The following CD59 variants were observed in gnomAD, a reference collection of about 807,000 sequenced individuals.
CD59 encodes CD59 glycoprotein.
Under a neutral mutation model 7.0 loss-of-function variants are expected in CD59, and 3 were observed. That is an observed-to-expected ratio of 0.43 (90% confidence interval 0.19 to 1.10). The LOEUF (loss-of-function observed/expected upper bound fraction) is 1.10, where lower values mean the gene tolerates loss of function less well. Ranked by LOEUF, CD59 falls within the 50% of genes least tolerant of loss-of-function variation. The probability of loss-of-function intolerance (pLI) is 0.29; values close to 1 mark genes in which losing one functional copy is unlikely to be tolerated. For missense variants in CD59, 143 were observed against 151.0 expected (o/e 0.95, Z 0.28); for synonymous variants, 60 against 62.0 (o/e 0.97, Z 0.15).
chr11:33,711,332 T>C (rs1403137773), intron 3 of CD59: 1 of 688,732 alleles, frequency 1.5e-6, no homozygotes, highest in Non-Finnish European at 2.6e-6. Flanking sequence ...TGTAAGAGCA[T>C]AGTATCCAGG....
chr11:33,704,325 C>T lies in CD59; in HGVS notation c.*5801G>A, dbSNP rs1853222127. The T allele has an allele frequency of 1.3e-5, 2 of 152,200 alleles. No homozygotes were observed. Among genetic ancestry groups the T allele is most frequent in the South Asian group, 4.1e-4 (2 of 4,830 alleles). The allele number at this position is 152,200 out of a possible 1,614,324, so 9.4% of individuals were successfully genotyped here. On this transcript the variant is annotated 3_prime_UTR_variant, in exon 4 of 4. Transcript: ENST00000642928. The stretch of plus-strand genomic sequence containing the variant: ...TTGATTTGATGGACATATGTATAAG[C>T]AGTGCCAGGGACAACTAGTAGGTGG...
At chr11:33,733,067 A>G (rs773815746) in intron 1 of CD59, among the ~76,000 whole-genome samples, 1 of 152,150 alleles carries the variant, frequency 6.6e-6, no homozygotes, top group Non-Finnish European at 1.5e-5. Flanking sequence ...TTTAGAAGCT[A>G]AGAATGGTCC....
intron 2 of CD59, among the ~76,000 whole-genome samples, chr11:33,721,095 A>T (rs968144325): frequency 6.6e-6 from 1 of 152,248 alleles, no homozygotes; most frequent in Admixed American, 6.5e-5. Context: ...GACAGAAAAA[A>T]AGAAGGAACC....
Position 33,707,728 on chromosome 11 carries a change from T to C in CD59, c.*2398A>G, listed in dbSNP as rs1432726410. The C allele has an allele frequency of 6.6e-6, 1 of 152,252 alleles. No individual in the cohort carries two copies. The highest frequency in any genetic ancestry group is 1.5e-5 in the Non-Finnish European group (1 of 68,050). 9.4% of individuals were successfully genotyped at this position (152,252 alleles called of 1,614,324 possible). On this transcript the variant is annotated 3_prime_UTR_variant, in exon 4 of 4. Transcript: ENST00000642928. ...ATCCCTCTTCGTTGATCAGGGTCAG[T>C]TGGAGGATGTAGCTGTCGGCCTGGT...
rs1853275104 is a variant in CD59, at chr11:33,705,509, A to G, written c.*4617T>C. On this transcript the variant is annotated 3_prime_UTR_variant, in exon 4 of 4. Transcript: ENST00000642928. ...CACTCTTCCTGCTCTTGGACATCAG[A>G]CTCCAGGTTCTTCAGCCTTTGGAAT... 1 of 152,014 alleles carries G rather than the reference A, an allele frequency of 6.6e-6. No individual in the cohort carries two copies. The highest frequency in any genetic ancestry group is 2.4e-5 in the African/African-American group (1 of 41,352). 9.4% of individuals were successfully genotyped at this position (152,014 alleles called of 1,614,324 possible).
intron 2 of CD59, among the ~76,000 whole-genome samples, chr11:33,720,730 C>T (rs1413838674): frequency 6.7e-6 from 1 of 148,342 alleles, no homozygotes; most frequent in Non-Finnish European, 1.5e-5. Context: ...CTCCATCCCC[C>T]TGAAAAAAAC....
intron 1 of CD59, among the ~76,000 whole-genome samples, chr11:33,731,946 T>G (rs1430693111): frequency 6.6e-6 from 1 of 151,588 alleles, no homozygotes; most frequent in Non-Finnish European, 1.5e-5. Flanking sequence ...GGGAGATAAT[T>G]GAATCACTGG....
intron 3 of CD59, among the ~76,000 whole-genome samples, chr11:33,716,185 T>C (rs1245437539): frequency 6.6e-6 from 1 of 152,238 alleles, no homozygotes; most frequent in African/African-American, 2.4e-5. Context: ...CCAGCTAAAC[T>C]ATATCAAATT....
At chr11:33,714,264 A>G (rs1252055151) in intron 3 of CD59, among the ~76,000 whole-genome samples, 1 of 152,232 alleles carries the variant, frequency 6.6e-6, no homozygotes, top group Non-Finnish European at 1.5e-5. Flanking sequence ...TATTGCTCTT[A>G]GGCTACAAAC....
chr11:33,718,703 T>C (rs1316186368), intron 2 of CD59: 1 of 152,180 alleles, frequency 6.6e-6, no homozygotes, highest in East Asian at 1.9e-4. Context: ...CAGAAGCAAA[T>C]TGCCTCCAGT....
chr11:33,725,860 CA>C (rs1362947982), intron 1 of CD59, among the ~76,000 whole-genome samples: 1 of 151,588 alleles, frequency 6.6e-6, no homozygotes, highest in African/African-American at 2.4e-5. Flanking sequence ...AAATGGAAAG[CA>C]AAAAAAGCAG....
chr11:33,703,096 A>G lies in CD59; in HGVS notation c.*7030T>C, dbSNP rs1170182689. ...GTATATATCTAGTTGAGGAGAAAAA[A>G]TTACAGATTTTTTCCCCCTTACTCC... On this transcript the variant is annotated 3_prime_UTR_variant, in exon 4 of 4. Transcript: ENST00000642928. 6.6e-6 allele frequency: 1 copy of G among 152,160 alleles called. No individual in the cohort carries two copies. The highest frequency in any genetic ancestry group is 1.5e-5 in the Non-Finnish European group (1 of 68,042). 9.4% of individuals were successfully genotyped at this position (152,160 alleles called of 1,614,324 possible).
intron 3 of CD59, among the ~76,000 whole-genome samples, chr11:33,712,194 A>G (rs1332311618): frequency 6.6e-6 from 1 of 152,256 alleles, no homozygotes; most frequent in South Asian, 2.1e-4. Flanking sequence ...AAAAGTTTCT[A>G]TAAGAACATG....
At chr11:33,721,230 T>C (rs1854046746) in intron 2 of CD59, among the ~76,000 whole-genome samples, 1 of 152,222 alleles carries the variant, frequency 6.6e-6, no homozygotes, top group South Asian at 2.1e-4. Context: ...CCATGACTTC[T>C]CTTTCTGCTC....
rs372060654 is a variant in CD59, at chr11:33,722,346, C to T, written c.67+33G>A. The stretch of plus-strand genomic sequence containing the variant: ...AGAAGGGAGTTCATGGCCAAGGCAG[C>T]CTAGATCCATGTCCTGAGACTGGAG... On this transcript the variant is annotated intron_variant, in intron 2 of 3. Coordinates refer to ENST00000642928, the MANE Select transcript of CD59 (RefSeq NM_000611.6). 11 of 1,505,814 alleles carry T rather than the reference C, an allele frequency of 7.3e-6. No individual in the cohort carries two copies. In the African/African-American group the frequency reaches 1.5e-4, roughly 21 times the overall value. 93.3% of individuals were successfully genotyped at this position (1,505,814 alleles called of 1,614,324 possible).
chr11:33,717,885 T>C, intron 2 of CD59: 1 of 243,166 alleles, frequency 4.1e-6, no homozygotes, highest in East Asian at 1.0e-4. Flanking sequence ...AATACCTATC[T>C]GCGTGAAAAT....
intron 1 of CD59, among the ~76,000 whole-genome samples, chr11:33,724,908 C>G (rs928012967): frequency 2.0e-5 from 3 of 151,982 alleles, no homozygotes; most frequent in Non-Finnish European, 2.9e-5. Context: ...TAAGACCAGG[C>G]CTTTATGAAC....
At chr11:33,731,490 G>T (rs1327777284) in intron 1 of CD59, 1 of 152,146 alleles carries the variant, frequency 6.6e-6, no homozygotes, top group Non-Finnish European at 1.5e-5. Flanking sequence ...ATAAAAGAGG[G>T]TCATAACAGT....
chr11:33,710,471 G>C (rs1853495415), intron 3 of CD59, 128 bp from the exon 4 acceptor site: 1 of 764,436 alleles, frequency 1.3e-6, no homozygotes, highest in Admixed American at 2.0e-5. Flanking sequence ...GCTCATCCCA[G>C]GTGGGTTGTA....
Sources: allele counts gnomAD v4.1 joint callset (sites outside exome capture counted in the v4.1 genomes callset), GRCh38; gene constraint gnomAD v4.1.1; transcripts MANE v1.5; gene names NCBI Gene and HGNC (gene_info 2026-07-23, HGNC 2026-07-21).